The following ARID1B variants were observed in gnomAD, a reference collection of about 807,000 sequenced individuals.
ARID1B encodes AT-rich interactive domain-containing protein 1B.
A neutral mutation model predicts 212.3 loss-of-function variants in ARID1B; 30 were observed. The observed-to-expected ratio is 0.14, with a 90% CI of 0.11 to 0.19. ARID1B has a LOEUF of 0.19. Ranked by LOEUF, ARID1B falls within the 10% of genes least tolerant of loss-of-function variation. The pLI is 1.00. For synonymous variants in ARID1B, 1,402 were observed against 1,301.7 expected (o/e 1.08, Z -1.66); for missense variants, 2,891 against 3,204.0 (o/e 0.90, Z 2.36).
chr6:157,070,216 CT>C (rs34932941), intron 4 of ARID1B, among the ~76,000 whole-genome samples: 50 of 142,370 alleles, frequency 3.5e-4, no homozygotes, highest in Middle Eastern at 3.7e-3. Context: ...TTGTTTTTTT[CT>C]TTTTTTTTTA....
At chr6:157,179,134 C>G (rs910355348) in intron 11 of ARID1B, among the ~76,000 whole-genome samples, 1 of 152,070 alleles carries the variant, frequency 6.6e-6, no homozygotes, top group African/African-American at 2.4e-5. Context: ...CAATTTTTCA[C>G]TTTTGAAAAC....
chr6:156,927,978 G>C (rs1791364988), intron 3 of ARID1B, among the ~76,000 whole-genome samples: 1 of 152,196 alleles, frequency 6.6e-6, no homozygotes, highest in Non-Finnish European at 1.5e-5. Context: ...TTGTTTTGGA[G>C]GGTGATAGGG....
intron 2 of ARID1B, among the ~76,000 whole-genome samples, chr6:156,863,179 A>T (rs1303662769): frequency 2.6e-5 from 4 of 152,212 alleles, no homozygotes; most frequent in Non-Finnish European, 5.9e-5. Context: ...AAGGGAAGGA[A>T]CCTGGAAACC....
At chr6:156,915,507 G>A (rs1021539435) in intron 3 of ARID1B, among the ~76,000 whole-genome samples, 17 of 151,956 alleles carry the variant, frequency 1.1e-4, no homozygotes, top group Admixed American at 5.2e-4. Flanking sequence ...GGCAGAGGTC[G>A]CAGTGAGCTG....
chr6:157,154,832 C>T (rs747420899), intron 8 of ARID1B, among the ~76,000 whole-genome samples: 2 of 152,094 alleles, frequency 1.3e-5, no homozygotes, highest in African/African-American at 2.4e-5. Context: ...CCACCCGCCT[C>T]GGCCTCCCAA....
chr6:156,959,560 T>C (rs1380908883), intron 4 of ARID1B, among the ~76,000 whole-genome samples: 1 of 122,624 alleles, frequency 8.2e-6, no homozygotes, highest in East Asian at 2.1e-4. Context: ...GTGTGTAGGG[T>C]TTTGTACTTA....
At chr6:157,036,575 A>G (rs144011910) in intron 4 of ARID1B, 3 of 300,636 alleles carry the variant, frequency 1.0e-5, no homozygotes, top group African/African-American at 4.4e-5. Flanking sequence ...AACTTCAACC[A>G]CTACGTCCAC....
chr6:156,957,332 A>T (rs1013746909), intron 4 of ARID1B, among the ~76,000 whole-genome samples: 1 of 152,174 alleles, frequency 6.6e-6, no homozygotes, highest in African/African-American at 2.4e-5. Context: ...TACCTTGAAG[A>T]TCTCTTGTGG....
intron 3 of ARID1B, among the ~76,000 whole-genome samples, chr6:156,903,442 G>C (rs576157655): frequency 1.6e-4 from 25 of 152,192 alleles, no homozygotes; most frequent in African/African-American, 5.5e-4. Flanking sequence ...GTACTCCCTA[G>C]CTATAAAATG....
intron 4 of ARID1B, among the ~76,000 whole-genome samples, chr6:157,020,446 A>G (rs1006653993): frequency 1.3e-5 from 2 of 152,178 alleles, no homozygotes; most frequent in Non-Finnish European, 2.9e-5. Context: ...CTAAAAATAT[A>G]TATTTAATAT....
chr6:156,807,555 ACT>A (rs1472600597), intron 1 of ARID1B, among the ~76,000 whole-genome samples: 3 of 151,020 alleles, frequency 2.0e-5, no homozygotes, highest in Non-Finnish European at 2.9e-5. Context: ...GAATATTTAA[ACT>A]CTCATTTACT....
intron 4 of ARID1B, among the ~76,000 whole-genome samples, chr6:156,991,442 G>C (rs893545924): frequency 2.0e-5 from 3 of 152,102 alleles, no homozygotes; most frequent in Non-Finnish European, 4.4e-5. Context: ...ATGTTGGCCA[G>C]GCTGGTCTTG....
At chr6:156,943,925 TTAC>T (rs1273447820) in intron 4 of ARID1B, 1 of 152,184 alleles carries the variant, frequency 6.6e-6, no homozygotes, top group Non-Finnish European at 1.5e-5. Context: ...AACAATTGCT[TTAC>T]TGTTTTTATA....
intron 1 of ARID1B, among the ~76,000 whole-genome samples, chr6:156,796,340 C>A (rs1248296102): frequency 5.3e-5 from 8 of 151,508 alleles, no homozygotes; most frequent in Admixed American, 4.6e-4. Flanking sequence ...AAGAAAAAAA[C>A]AACAAAATCT....
intron 1 of ARID1B, among the ~76,000 whole-genome samples, chr6:156,815,563 T>C (rs1056794669): frequency 2.6e-5 from 4 of 152,212 alleles, no homozygotes; most frequent in Non-Finnish European, 5.9e-5. Flanking sequence ...GACAGCAGGG[T>C]AATGACAGCA....
intron 4 of ARID1B, among the ~76,000 whole-genome samples, chr6:156,982,405 T>A (rs1777658553): frequency 6.6e-6 from 1 of 151,588 alleles, no homozygotes; most frequent in African/African-American, 2.4e-5. Flanking sequence ...CCCGAAATAG[T>A]GCTGTGTGTC....
At chr6:157,039,372 G>A (rs1273860923) in intron 4 of ARID1B, among the ~76,000 whole-genome samples, 1,954 of 119,258 alleles carry the variant, frequency 0.016, 58 homozygotes, top group African/African-American at 0.061. Context: ...CGCCCAGGCC[G>A]GACTGCGGAC....
At chr6:157,153,901 A>G (rs1790376440) in intron 8 of ARID1B, among the ~76,000 whole-genome samples, 1 of 152,084 alleles carries the variant, frequency 6.6e-6, no homozygotes, top group Non-Finnish European at 1.5e-5. Flanking sequence ...CAGCCTCCCA[A>G]AGTGCTGGGA....
intron 16 of ARID1B, among the ~76,000 whole-genome samples, chr6:157,196,996 A>G (rs532485520): frequency 1.3e-3 from 200 of 152,282 alleles, no homozygotes; most frequent in Non-Finnish European, 2.4e-3. Context: ...AGATAGGAGG[A>G]AAAGTTATTG....
Sources: gnomAD v4.1 joint callset for allele counts (sites outside exome capture counted in the v4.1 genomes callset) on GRCh38, gnomAD v4.1.1 for gene constraint, MANE v1.5 for transcripts, NCBI Gene and HGNC (gene_info 2026-07-23, HGNC 2026-07-21) for gene names.